The following PAK2 variants were observed in gnomAD, a reference collection of about 807,000 sequenced individuals.
PAK2 encodes the protein p21 (RAC1) activated kinase 2.
A neutral mutation model predicts 65.9 loss-of-function variants in PAK2; 21 were observed. The observed-to-expected ratio is 0.32, with a 90% CI of 0.23 to 0.46. The LOEUF (loss-of-function observed/expected upper bound fraction) is 0.46, where lower values mean the gene tolerates loss of function less well. Among genes scored for constraint, PAK2 ranks in the 20% least tolerant of loss-of-function variants. The probability of loss-of-function intolerance (pLI) is 1.00; values close to 1 mark genes in which losing one functional copy is unlikely to be tolerated. For missense variants in PAK2, 324 were observed against 642.6 expected (o/e 0.50, Z 5.36); for synonymous variants, 204 against 219.7 (o/e 0.93, Z 0.63).
chr3:196,797,641 A>G (rs1190090624), intron 2 of PAK2, among the ~76,000 whole-genome samples: 1 of 151,872 alleles, frequency 6.6e-6, no homozygotes, highest in African/African-American at 2.4e-5. Flanking sequence ...AATCCCAGCT[A>G]CTTGGGAGGC....
chr3:196,826,451 C>G (rs892624872), intron 13 of PAK2, among the ~76,000 whole-genome samples: 1 of 151,846 alleles, frequency 6.6e-6, no homozygotes, highest in Non-Finnish European at 1.5e-5. Flanking sequence ...GGATTACAGG[C>G]GTGAGCCACC....
chr3:196,748,722 A>G (rs1713473455), intron 1 of PAK2, among the ~76,000 whole-genome samples: 1 of 152,180 alleles, frequency 6.6e-6, no homozygotes, highest in South Asian at 2.1e-4. Flanking sequence ...CTATTGAAGG[A>G]CCAGGTTTGG....
chr3:196,815,719 G>A (rs113784597), intron 11 of PAK2, among the ~76,000 whole-genome samples: 144 of 151,806 alleles, frequency 9.5e-4, no homozygotes, highest in African/African-American at 3.1e-3. Context: ...CCCAAGAGGC[G>A]GAGGTCACAG....
At chr3:196,767,012 A>G (rs571070416) in intron 1 of PAK2, among the ~76,000 whole-genome samples, 139 of 149,576 alleles carry the variant, frequency 9.3e-4, no homozygotes, top group African/African-American at 3.0e-3. Flanking sequence ...TTGGTAAATG[A>G]TAGCATCCCA....
intron 1 of PAK2, among the ~76,000 whole-genome samples, chr3:196,769,586 C>A (rs528439566): frequency 6.6e-6 from 1 of 150,986 alleles, no homozygotes. Flanking sequence ...CCAAGGCGGG[C>A]GGATCACGAG....
At position 196,807,933 on chromosome 3, in the gene PAK2, A is replaced by T. The variant is rs775819781; in HGVS notation, c.709+19A>T. ...AAATTAAGTATGTTATCTACATTTT[A>T]CATCATTGTTAAATTGTTCACGGCT... is the stretch of plus-strand genomic sequence containing the variant. On this transcript the variant is annotated intron_variant, in intron 7 of 14. Coordinates refer to ENST00000327134, the MANE Select transcript of PAK2 (RefSeq NM_002577.4). The T allele has an allele frequency of 6.3e-7, 1 of 1,586,586 alleles. No homozygotes were observed. The highest frequency in any genetic ancestry group is 1.1e-5 in the South Asian group (1 of 89,440).
chr3:196,758,316 A>C (rs565803951), intron 1 of PAK2, among the ~76,000 whole-genome samples: 1 of 152,336 alleles, frequency 6.6e-6, no homozygotes, highest in East Asian at 1.9e-4. Flanking sequence ...TTCCTGAGAG[A>C]ATGACATTTA....
chr3:196,752,470 AC>A (rs2108711986), intron 1 of PAK2, among the ~76,000 whole-genome samples: 1 of 152,170 alleles, frequency 6.6e-6, no homozygotes, highest in Admixed American at 6.5e-5. Context: ...TTTTCTCTTA[AC>A]CCTTTCTCAC....
chr3:196,781,933 G>A (rs750608604), intron 1 of PAK2, among the ~76,000 whole-genome samples: 7 of 152,060 alleles, frequency 4.6e-5, no homozygotes, highest in East Asian at 1.9e-4. Context: ...GTGAAACCCC[G>A]TCTCTACTAA....
intron 2 of PAK2, among the ~76,000 whole-genome samples, chr3:196,795,993 TAAG>T (rs929151299): frequency 6.6e-6 from 1 of 152,228 alleles, no homozygotes; most frequent in Non-Finnish European, 1.5e-5. Flanking sequence ...TAGATTCTCA[TAAG>T]AAGCGCACAA....
rs1491521540 is a variant in PAK2, at chr3:196,751,663, T to TTTTATATATATATATATATATA, written c.-22+11507_-22+11508insTTATATATATATATATATATAT. Among the ~76,000 whole-genome samples, 102 of 45,688 alleles carry TTTTATATATATATATATATATA rather than the reference T, an allele frequency of 2.2e-3. 5 individuals carry two copies. Among genetic ancestry groups the TTTTATATATATATATATATATA allele is most frequent in the African/African-American group, 0.011 (97 of 8,746 alleles). 30.0% of individuals were successfully genotyped at this position (45,688 alleles called of 152,430 possible). ...CTGTCCCCCCAAAAAACACACAAAT[T>TTTTATATATATATATATATATA]TATTTATATACATATATATATATAT... is the stretch of plus-strand genomic sequence containing the variant. On this transcript the variant is annotated intron_variant, in intron 1 of 14. Coordinates refer to ENST00000327134, the MANE Select transcript of PAK2 (RefSeq NM_002577.4).
intron 11 of PAK2, among the ~76,000 whole-genome samples, chr3:196,816,126 A>G (rs542791540): frequency 1.3e-5 from 2 of 151,848 alleles, no homozygotes; most frequent in African/African-American, 2.4e-5. Flanking sequence ...ACTGTCACAA[A>G]GGGCAAAACT....
Position 196,829,178 on chromosome 3 carries a change from T to G in PAK2, c.*773T>G, listed in dbSNP as rs1045983387. On this transcript the variant is annotated 3_prime_UTR_variant, in exon 15 of 15. Coordinates refer to ENST00000327134, the MANE Select transcript of PAK2 (RefSeq NM_002577.4). ...AAAAAGATTCCCATTGACTGTAGAC[T>G]TCTTCCCATTTTGTCTTCCCTTCTG... is the stretch of plus-strand genomic sequence containing the variant. 4 of 152,656 alleles carry G rather than the reference T, an allele frequency of 2.6e-5. No homozygotes were observed. The highest frequency in any genetic ancestry group is 9.6e-5 in the African/African-American group (4 of 41,460). The allele number at this position is 152,656 out of a possible 1,614,324, so 9.5% of individuals were successfully genotyped here.
chr3:196,759,992 TGAATG>T (rs1391927510), intron 1 of PAK2, among the ~76,000 whole-genome samples: 1 of 152,200 alleles, frequency 6.6e-6, no homozygotes, highest in Non-Finnish European at 1.5e-5. Flanking sequence ...TTTTGTCTCA[TGAATG>T]GAATGATACA....
intron 7 of PAK2, among the ~76,000 whole-genome samples, chr3:196,808,557 C>CAAAAAAAAAA (rs1208200034): frequency 0.11 from 6,226 of 56,048 alleles, 454 homozygotes; most frequent in East Asian, 0.26. Context: ...GACTCCATCT[C>CAAAAAAAAAA]AAAAAAAAAA....
intron 11 of PAK2, 103 bp downstream of exon 11, chr3:196,814,671 T>C: frequency 1.4e-6 from 1 of 695,300 alleles, no homozygotes; most frequent in South Asian, 1.6e-5. Flanking sequence ...TGGGAGGTGC[T>C]TTCTCTGTAT....
At chr3:196,766,079 T>C (rs1170563261) in intron 1 of PAK2, among the ~76,000 whole-genome samples, 3 of 151,996 alleles carry the variant, frequency 2.0e-5, no homozygotes, top group Non-Finnish European at 4.4e-5. Flanking sequence ...GTACTTTTAG[T>C]AGAGATGAGG....
chr3:196,771,867 A>G (rs1241895885), intron 1 of PAK2, among the ~76,000 whole-genome samples: 2 of 152,188 alleles, frequency 1.3e-5, no homozygotes, highest in Non-Finnish European at 2.9e-5. Flanking sequence ...CTCCTCTTTC[A>G]TATTTTCTAT....
At chr3:196,810,784 TTG>T in intron 8 of PAK2, 131 bp downstream of exon 8, 1 of 575,500 alleles carries the variant, frequency 1.7e-6, no homozygotes, top group Non-Finnish European at 3.1e-6. Flanking sequence ...CTTGGGGGAT[TTG>T]TGTAAATAAA....
Sources: allele counts gnomAD v4.1 joint callset (sites outside exome capture counted in the v4.1 genomes callset), GRCh38; gene constraint gnomAD v4.1.1; transcripts MANE v1.5; gene names NCBI Gene and HGNC (gene_info 2026-07-23, HGNC 2026-07-21).